Variants in MED15 observed in about 807,000 individuals in gnomAD.
MED15 encodes mediator complex subunit 15.
A neutral mutation model predicts 118.7 loss-of-function variants in MED15; 41 were observed. The observed-to-expected ratio is 0.35, with a 90% CI of 0.27 to 0.45. MED15 has a LOEUF of 0.45. MED15 is among the 20% of genes least tolerant of loss of function. MED15 has a pLI of 1.00. For missense variants in MED15, 740 were observed against 1,025.5 expected (o/e 0.72, Z 3.80); for synonymous variants, 436 against 413.9 (o/e 1.05, Z -0.65).
At chr22:20,580,413 A>T (rs2056947566) in intron 9 of MED15, among the ~76,000 whole-genome samples, 1 of 152,162 alleles carries the variant, frequency 6.6e-6, no homozygotes, top group Admixed American at 6.5e-5. Flanking sequence ...CACAGAAAAG[A>T]GCTGACCATC....
rs181236855 is a variant in MED15, at chr22:20,547,653, A to G, written c.157-3783A>G. On this transcript the variant is annotated intron_variant, in intron 2 of 17. Coordinates refer to ENST00000263205, the MANE Select transcript of MED15 (RefSeq NM_001003891.3). ...GCTAACACAGTGAAACCCCGTCTCC[A>G]CTAAAAAATACAAAAAATTAGCCAG... Among the ~76,000 whole-genome samples the G allele has an allele frequency of 3.9e-5, 6 of 152,004 alleles. No individual in the cohort carries two copies. In the South Asian group the frequency reaches 1.2e-3, roughly 32 times the overall value.
chr22:20,559,138 A>G (rs530275309), intron 5 of MED15, among the ~76,000 whole-genome samples: 18 of 152,194 alleles, frequency 1.2e-4, no homozygotes, highest in Non-Finnish European at 2.4e-4. Context: ...CCTGGGGGAT[A>G]GAACGAGACA....
intron 1 of MED15, 117 bp downstream of exon 1, chr22:20,507,863 G>C: frequency 6.6e-7 from 1 of 1,520,704 alleles, no homozygotes; most frequent in Non-Finnish European, 8.8e-7. Context: ...AAGGCGCCGG[G>C]GACTTGCGTG....
chr22:20,542,608 G>A (rs2055355544), intron 2 of MED15, among the ~76,000 whole-genome samples: 1 of 152,210 alleles, frequency 6.6e-6, no homozygotes, highest in South Asian at 2.1e-4. Context: ...TGACTTCTGA[G>A]CCCATGTCTC....
intron 2 of MED15, among the ~76,000 whole-genome samples, chr22:20,548,708 A>AC (rs2055653238): frequency 6.6e-6 from 1 of 152,234 alleles, no homozygotes; most frequent in African/African-American, 2.4e-5. Context: ...GGCACGGAGC[A>AC]CGTGTTTCTA....
intron 1 of MED15, among the ~76,000 whole-genome samples, chr22:20,510,926 G>C (rs578068602): frequency 6.6e-6 from 1 of 152,076 alleles, no homozygotes; most frequent in Non-Finnish European, 1.5e-5. Context: ...TACCACAGCC[G>C]GGAAGAGCAG....
intron 13 of MED15, 27 bp downstream of exon 13, chr22:20,583,420 G>T: frequency 6.2e-7 from 1 of 1,610,882 alleles, no homozygotes; most frequent in South Asian, 1.1e-5. Flanking sequence ...GCCCACGGAG[G>T]GTCCACAAGG....
chr22:20,558,300 G>A (rs1006527738), intron 5 of MED15, among the ~76,000 whole-genome samples: 3 of 152,048 alleles, frequency 2.0e-5, no homozygotes, highest in Admixed American at 2.0e-4. Flanking sequence ...GGCCCTTTCA[G>A]ATCTTCATCT....
Position 20,586,881 on chromosome 22 carries a change from G to A in MED15, c.*177G>A. The A allele has an allele frequency of 2.0e-6, 2 of 1,001,338 alleles. No homozygotes were observed. The highest frequency in any genetic ancestry group is 2.8e-6 in the Non-Finnish European group (2 of 708,608). The allele number at this position is 1,001,338 out of a possible 1,614,324, so 62.0% of individuals were successfully genotyped here. ...CCCACACCTGTACAGAACTGGGATA[G>A]GCGCAGTGGAGCGGGTTGCTTGGGG... On this transcript the variant is annotated 3_prime_UTR_variant, in exon 18 of 18. Transcript: ENST00000263205.
chr22:20,555,127 G>C lies in MED15; in HGVS notation c.430G>C (p.Val144Leu). Residue 144 changes from valine to leucine, a missense_variant, in exon 5 of 18, where the codon GTG becomes CTG. Val to Leu is a conservative substitution (Grantham distance 32). This residue lies in a region of MED15 where 117 missense variants were observed against 124.6 expected (regional missense o/e 0.94). Transcript: ENST00000263205. ...GATGGCCCCTCACAGCATGGCTGTC[G>C]TGTCTACGGCAACTCCACAGAGTGA... ...SGMAPHSMAV[V>L]STATPQTQLQ... 6 of 1,605,218 alleles carry C rather than the reference G, an allele frequency of 3.7e-6. No individual in the cohort carries two copies. The highest frequency in any genetic ancestry group is 5.1e-6 in the Non-Finnish European group (6 of 1,176,670).
intron 5 of MED15, among the ~76,000 whole-genome samples, chr22:20,557,099 AT>A (rs1470121363): frequency 1.3e-5 from 2 of 152,110 alleles, no homozygotes; most frequent in African/African-American, 4.8e-5. Context: ...GCTTCAATAT[AT>A]TTTTGTCACA....
Position 20,586,854 on chromosome 22 carries a change from A to G in MED15, c.*150A>G, listed in dbSNP as rs1044530214. On this transcript the variant is annotated 3_prime_UTR_variant, in exon 18 of 18. Transcript: ENST00000263205. ...CTGCCTTGGGGACCTGCCAAACGAAATCCCACACCTGTACAGAACTGGGAT... is the reference window on the plus strand; with the variant it reads ...CTGCCTTGGGGACCTGCCAAACGAAGTCCCACACCTGTACAGAACTGGGAT... 8.3e-7 allele frequency: 1 copy of G among 1,210,066 alleles called. No individual in the cohort carries two copies. The highest frequency in any genetic ancestry group is 1.1e-6 in the Non-Finnish European group (1 of 882,938). 75.0% of individuals were successfully genotyped at this position (1,210,066 alleles called of 1,614,324 possible).
At chr22:20,581,256 G>A (rs1186231958) in intron 9 of MED15, among the ~76,000 whole-genome samples, 1 of 152,222 alleles carries the variant, frequency 6.6e-6, no homozygotes, top group East Asian at 1.9e-4. Context: ...GGTCCACGTG[G>A]TGCTGAAAGG....
chr22:20,582,455 T>G, intron 9 of MED15, 156 bp from the exon 10 acceptor site: 1 of 1,177,372 alleles, frequency 8.5e-7, no homozygotes, highest in Non-Finnish European at 1.2e-6. Context: ...GCTGGGGGAG[T>G]GTGCCTGTGT....
At chr22:20,567,702 G>A (rs142383488) in intron 7 of MED15, among the ~76,000 whole-genome samples, 18 of 152,068 alleles carry the variant, frequency 1.2e-4, no homozygotes, top group Non-Finnish European at 1.6e-4. Context: ...GGAAGAGCCC[G>A]CTGCATGTTG....
rs1297922690 is a variant in MED15 at position 20,507,653 on chromosome 22, C to CG, written c.-23dup. On this transcript the variant is annotated 5_prime_UTR_variant, in exon 1 of 18. Transcript: ENST00000263205. ...GCGGCGGTGGCGGCCAAGCGGGATA[C>CG]GGGCGGCGGGAGCTGGGGAACAGGC... The CG allele has an allele frequency of 6.2e-7, 1 of 1,613,580 alleles. No homozygotes were observed. The highest frequency in any genetic ancestry group is 2.2e-5 in the East Asian group (1 of 44,880).
At chr22:20,552,823 G>T in intron 3 of MED15, 1 of 349,988 alleles carries the variant, frequency 2.9e-6, no homozygotes, top group Non-Finnish European at 5.3e-6. Flanking sequence ...TGTTTGCTCA[G>T]GGCTGAGCTG....
intron 1 of MED15, among the ~76,000 whole-genome samples, chr22:20,535,762 T>C (rs1406918524): frequency 4.0e-5 from 6 of 151,870 alleles, no homozygotes; most frequent in African/African-American, 1.5e-4. Flanking sequence ...GGTTTCACTG[T>C]GTTAGCCAGG....
intron 9 of MED15, among the ~76,000 whole-genome samples, chr22:20,580,738 C>T (rs1028400701): frequency 1.3e-5 from 2 of 152,200 alleles, no homozygotes; most frequent in Non-Finnish European, 2.9e-5. Context: ...CTGGGACATG[C>T]CCTTACTCCT....
Sources: gnomAD v4.1 joint callset for allele counts (sites outside exome capture counted in the v4.1 genomes callset) on GRCh38, gnomAD v4.1.1 for gene constraint, gnomAD v4.1.1 regional missense constraint, MANE v1.5 for transcripts, NCBI Gene and HGNC (gene_info 2026-07-23, HGNC 2026-07-21) for gene names.